The following LDLRAD4 variants were observed in gnomAD, a reference collection of about 807,000 sequenced individuals.
The protein encoded by LDLRAD4 is low density lipoprotein receptor class A domain containing 4.
In LDLRAD4, 5 loss-of-function variants were observed where a neutral mutation model predicts 17.0. The observed-to-expected ratio is 0.29, with a 90% CI of 0.15 to 0.62. The LOEUF is 0.62. Among genes scored for constraint, LDLRAD4 ranks in the 20% least tolerant of loss-of-function variants. The probability of loss-of-function intolerance (pLI) is 0.84; values close to 1 mark genes in which losing one functional copy is unlikely to be tolerated. For synonymous variants in LDLRAD4, 168 were observed against 171.8 expected, an observed-to-expected ratio of 0.98 and a Z score of 0.17; for missense variants, 340 against 424.7, an observed-to-expected ratio of 0.80 and a Z score of 1.75.
intron 2 of LDLRAD4, among the ~76,000 whole-genome samples, chr18:13,427,098 A>G (rs1050176019): frequency 6.6e-6 from 1 of 152,204 alleles, no homozygotes; most frequent in East Asian, 1.9e-4. Flanking sequence ...AGGCAGGGGA[A>G]TCGCTTGAAC....
chr18:13,388,712 A>G (rs2086023605), intron 2 of LDLRAD4, among the ~76,000 whole-genome samples: 1 of 152,202 alleles, frequency 6.6e-6, no homozygotes, highest in African/African-American at 2.4e-5. Context: ...CAGCTCCTAG[A>G]CAGCCTTGCA....
chr18:13,612,450 C>T, intron 3 of LDLRAD4: 4 of 1,285,608 alleles, frequency 3.1e-6, no homozygotes, highest in Non-Finnish European at 4.0e-6. Flanking sequence ...TTGGTAGCCA[C>T]AGTCTGCGGT....
At chr18:13,336,076 G>C (rs981975027) in intron 1 of LDLRAD4, among the ~76,000 whole-genome samples, 7 of 152,158 alleles carry the variant, frequency 4.6e-5, no homozygotes, top group African/African-American at 1.4e-4. Flanking sequence ...GAGATCACAC[G>C]GTGAGAGAGG....
chr18:13,497,092 C>T (rs1234664555), intron 3 of LDLRAD4, among the ~76,000 whole-genome samples: 1 of 152,226 alleles, frequency 6.6e-6, no homozygotes, highest in East Asian at 1.9e-4. Context: ...CTGCCTGACT[C>T]ATAATGAGCA....
intron 4 of LDLRAD4, among the ~76,000 whole-genome samples, chr18:13,631,124 A>C (rs1341685993): frequency 6.6e-6 from 1 of 152,246 alleles, no homozygotes; most frequent in Non-Finnish European, 1.5e-5. Flanking sequence ...GGGAACCCTC[A>C]GTAAGTCATG....
intron 2 of LDLRAD4, among the ~76,000 whole-genome samples, chr18:13,431,695 T>C (rs2090346673): frequency 6.6e-6 from 1 of 152,226 alleles, no homozygotes; most frequent in East Asian, 1.9e-4. Context: ...TTTTTAAACA[T>C]TTTTTATTAC....
chr18:13,352,834 A>G (rs1049170505), intron 1 of LDLRAD4, among the ~76,000 whole-genome samples: 21 of 151,758 alleles, frequency 1.4e-4, no homozygotes, highest in African/African-American at 5.1e-4. Flanking sequence ...AGATTTTCTT[A>G]TTCTTTCTTT....
chr18:13,387,876 C>G (rs1370044005), intron 2 of LDLRAD4, 114 bp downstream of exon 3: 2 of 850,024 alleles, frequency 2.4e-6, no homozygotes, highest in Admixed American at 1.8e-5. Flanking sequence ...AAGGCCAACG[C>G]AGTCAAGGGC....
At chr18:13,422,718 C>T (rs548762358) in intron 2 of LDLRAD4, among the ~76,000 whole-genome samples, 5 of 152,232 alleles carry the variant, frequency 3.3e-5, no homozygotes, top group Admixed American at 1.3e-4. Flanking sequence ...ACCAAACCAA[C>T]ACCATCACCA....
chr18:13,570,759 A>G (rs1214025987), intron 3 of LDLRAD4, among the ~76,000 whole-genome samples: 8 of 151,960 alleles, frequency 5.3e-5, no homozygotes, highest in African/African-American at 1.5e-4. Context: ...TGCCCTTTTC[A>G]TTTCTTTTCT....
In LDLRAD4 at chr18:13,413,417, C is replaced by G. The variant is rs8094990; in HGVS notation, c.41-24827C>G. 2.3e-3 allele frequency among the ~76,000 whole-genome samples: 346 copies of G among 152,318 alleles called. 2 individuals are homozygous for G. Among genetic ancestry groups the G allele is most frequent in the African/African-American group, 8.0e-3 (334 of 41,576 alleles). Reference sequence around the variant, plus strand: ...TGAGCTTCTGCGGAAGTTTCTATCACAGTATTTTTAAACATGCATCAATAT... The same window carrying G: ...TGAGCTTCTGCGGAAGTTTCTATCAGAGTATTTTTAAACATGCATCAATAT... On this transcript the variant is annotated intron_variant, in intron 2 of 5. Transcript: ENST00000359446.
chr18:13,280,570 C>T (rs1260615075), intron 1 of LDLRAD4, among the ~76,000 whole-genome samples: 2 of 152,136 alleles, frequency 1.3e-5, no homozygotes, highest in Non-Finnish European at 2.9e-5. Context: ...CCTGCTGGAG[C>T]GTGTGGGGGA....
chr18:13,603,826 C>T (rs1785177), intron 3 of LDLRAD4, among the ~76,000 whole-genome samples: 126,323 of 152,244 alleles, frequency 0.83, 52,695 homozygotes, highest in Non-Finnish European at 0.85. Context: ...AGATGTGAAG[C>T]AGGGACAGCA....
At chr18:13,347,447 A>T (rs2082758472) in intron 1 of LDLRAD4, among the ~76,000 whole-genome samples, 1 of 152,232 alleles carries the variant, frequency 6.6e-6, no homozygotes, top group African/African-American at 2.4e-5. Context: ...ATCAGCTGTT[A>T]GTCTGATGGG....
At chr18:13,461,800 A>C (rs188043934) in intron 3 of LDLRAD4, among the ~76,000 whole-genome samples, 2 of 152,296 alleles carry the variant, frequency 1.3e-5, no homozygotes, top group East Asian at 3.9e-4. Flanking sequence ...TCAGAGGCTA[A>C]AGTGAAGTTA....
At chr18:13,606,538 C>T (rs889599320) in intron 3 of LDLRAD4, among the ~76,000 whole-genome samples, 5 of 152,174 alleles carry the variant, frequency 3.3e-5, no homozygotes, top group East Asian at 1.9e-4. Flanking sequence ...TGGGAGCACA[C>T]GCAGAGCATT....
intron 3 of LDLRAD4, among the ~76,000 whole-genome samples, chr18:13,477,449 A>T (rs1010347056): frequency 6.6e-6 from 1 of 152,200 alleles, no homozygotes; most frequent in Non-Finnish European, 1.5e-5. Context: ...ACCTGCCTCT[A>T]TCAGGCGGGA....
chr18:13,645,808 G>C lies in LDLRAD4; in HGVS notation c.*151G>C. 3.8e-6 allele frequency: 2 copies of C among 525,108 alleles called. No individual in the cohort carries two copies. The highest frequency in any genetic ancestry group is 6.2e-6 in the Non-Finnish European group (2 of 320,028). 32.5% of individuals were successfully genotyped at this position (525,108 alleles called of 1,614,324 possible). On this transcript the variant is annotated 3_prime_UTR_variant, in exon 6 of 6. Coordinates refer to ENST00000359446, the Ensembl canonical transcript of LDLRAD4. The surrounding 1 kb of genome is among the most constrained non-coding windows in gnomAD (Gnocchi z 5.7). ...CGGTCTTTGTTTCTGATTCCTTTTAGGGGAATTGCATGCAAACTAGACTGA... is the reference window on the plus strand; with the variant it reads ...CGGTCTTTGTTTCTGATTCCTTTTACGGGAATTGCATGCAAACTAGACTGA...
At chr18:13,495,486 A>T (rs2147172508) in intron 3 of LDLRAD4, among the ~76,000 whole-genome samples, 1 of 152,326 alleles carries the variant, frequency 6.6e-6, no homozygotes, top group East Asian at 1.9e-4. Flanking sequence ...CCCTTGCGGG[A>T]TCCCACTTAG....
Sources: gnomAD v4.1 joint callset for allele counts (sites outside exome capture counted in the v4.1 genomes callset) on GRCh38, gnomAD v4.1.1 for gene constraint, Gnocchi (gnomAD v3.1) non-coding constraint, MANE v1.5 for transcripts, NCBI Gene and HGNC (gene_info 2026-07-23, HGNC 2026-07-21) for gene names.